Variants in RGS3 observed in about 807,000 individuals in gnomAD.
RGS3 encodes the protein regulator of G-protein signalling 3.
RGS3 carries 80 observed loss-of-function variants against 132.6 expected under a neutral mutation model. That is an observed-to-expected ratio of 0.60 (90% CI 0.50 to 0.73). RGS3 has a LOEUF of 0.73. Ranked by LOEUF, RGS3 falls within the 30% of genes least tolerant of loss-of-function variation. RGS3 has a pLI of 0.00. For synonymous variants in RGS3, 598 were observed against 620.6 expected (o/e 0.96, Z 0.54); for missense variants, 1,382 against 1,530.8 (o/e 0.90, Z 1.62).
intron 21 of RGS3, chr9:113,593,848 C>G: frequency 6.8e-7 from 1 of 1,469,468 alleles, no homozygotes; most frequent in South Asian, 1.3e-5. Flanking sequence ...CAGTGCCTCC[C>G]CTGGCTCCCT....
chr9:113,502,034 G>A (rs965546542), intron 10 of RGS3, among the ~76,000 whole-genome samples: 5 of 152,212 alleles, frequency 3.3e-5, no homozygotes, highest in Non-Finnish European at 7.3e-5. Flanking sequence ...GTTGGCACGT[G>A]CTCATATGTG....
At chr9:113,511,590 G>A (rs946506079) in intron 14 of RGS3, among the ~76,000 whole-genome samples, 1 of 152,098 alleles carries the variant, frequency 6.6e-6, no homozygotes, top group Admixed American at 6.6e-5. Flanking sequence ...TACAAAATGG[G>A]GCTGAGCCGA....
chr9:113,505,616 C>T, intron 11 of RGS3, 93 bp downstream of exon 9: 2 of 989,106 alleles, frequency 2.0e-6, no homozygotes, highest in Non-Finnish European at 3.2e-6. Flanking sequence ...GAGCCCCAAA[C>T]TGGAGCAAAG....
chr9:113,476,392 G>C (rs1829995613), intron 3 of RGS3, among the ~76,000 whole-genome samples: 1 of 152,182 alleles, frequency 6.6e-6, no homozygotes, highest in African/African-American at 2.4e-5. Context: ...GACTTCAGGG[G>C]CCTGTGTGTC....
chr9:113,565,241 C>A lies in RGS3; in HGVS notation c.2038-18209C>A. The A allele has an allele frequency of 7.8e-6, 10 of 1,285,878 alleles. No individual in the cohort carries two copies. Among genetic ancestry groups the A allele is most frequent in the Non-Finnish European group, 1.0e-5 (10 of 986,586 alleles). The allele number at this position is 1,285,878 out of a possible 1,614,324, so 79.7% of individuals were successfully genotyped here. ...GGACGGGCTGGCCCAGGACCCTCTT[C>A]TTTGAGACATCCCGGACTCCATCTC... On this transcript the variant is annotated intron_variant, in intron 19 of 24. Coordinates refer to ENST00000350696, the Ensembl canonical transcript of RGS3. This position sits in a 1 kb window ranked among gnomAD's most constrained non-coding sequence, Gnocchi z 5.7.
At chr9:113,534,448 G>A (rs1362515579) in intron 18 of RGS3, among the ~76,000 whole-genome samples, 2 of 152,090 alleles carry the variant, frequency 1.3e-5, no homozygotes, top group African/African-American at 4.8e-5. Flanking sequence ...AAATGGGGTA[G>A]TATTTAATAT....
At chr9:113,532,590 C>T (rs548815128) in intron 18 of RGS3, among the ~76,000 whole-genome samples, 4 of 152,262 alleles carry the variant, frequency 2.6e-5, no homozygotes, top group Admixed American at 1.3e-4. Flanking sequence ...AAGGAGATTC[C>T]CATGGGGCAG....
At chr9:113,552,327 A>T (rs529269377) in intron 19 of RGS3, among the ~76,000 whole-genome samples, 20 of 151,730 alleles carry the variant, frequency 1.3e-4, no homozygotes, top group South Asian at 4.2e-4. Context: ...TTATTTATTT[A>T]TTTTTTTGAG....
chr9:113,566,779 C>CCAG (rs1260523377), intron 19 of RGS3, among the ~76,000 whole-genome samples: 3 of 152,246 alleles, frequency 2.0e-5, no homozygotes, highest in African/African-American at 7.2e-5. Flanking sequence ...GCGTCCTCTC[C>CCAG]CAGTGCTAGA....
chr9:113,570,694 A>T (rs1834245120), intron 19 of RGS3, among the ~76,000 whole-genome samples: 1 of 151,684 alleles, frequency 6.6e-6, no homozygotes, highest in African/African-American at 2.4e-5. Flanking sequence ...TCTGTTGCCC[A>T]GGCTGGGGTG....
At chr9:113,594,327 C>T (rs759578749) in intron 21 of RGS3, 103 bp from the exon 20 acceptor site, 293 of 1,591,516 alleles carry the variant, frequency 1.8e-4, no homozygotes, top group Non-Finnish European at 2.5e-4. Context: ...AGAGGCGACA[C>T]ACGATGAAGG....
At chr9:113,586,257 T>A (rs1426589728) in intron 20 of RGS3, among the ~76,000 whole-genome samples, 2 of 152,216 alleles carry the variant, frequency 1.3e-5, no homozygotes, top group African/African-American at 4.8e-5. Flanking sequence ...GAGGCCCACC[T>A]GCCTTGGGCT....
intron 3 of RGS3, among the ~76,000 whole-genome samples, chr9:113,478,125 G>A (rs1196659423): frequency 6.6e-6 from 1 of 152,048 alleles, no homozygotes; most frequent in African/African-American, 2.4e-5. Flanking sequence ...AATGGGAAAA[G>A]CCAGGGGATA....
At chr9:113,517,649 A>G (rs1165096643) in intron 16 of RGS3, 25 bp downstream of exon 14, 3 of 1,595,246 alleles carry the variant, frequency 1.9e-6, no homozygotes, top group Non-Finnish European at 2.6e-6. Flanking sequence ...TGCATTTTTT[A>G]GGGGGCTTTC....
intron 3 of RGS3, among the ~76,000 whole-genome samples, chr9:113,475,571 A>G (rs536031769): frequency 6.6e-6 from 1 of 152,070 alleles, no homozygotes; most frequent in South Asian, 2.1e-4. Context: ...GTGCCCGGCT[A>G]TTTTTTTAAT....
chr9:113,476,448 A>G (rs1829997170), intron 3 of RGS3, among the ~76,000 whole-genome samples: 1 of 152,130 alleles, frequency 6.6e-6, no homozygotes, highest in South Asian at 2.1e-4. Context: ...GGGGACAGGC[A>G]TGGCCGAGGG....
intron 19 of RGS3, among the ~76,000 whole-genome samples, chr9:113,578,589 G>T (rs1345944895): frequency 6.6e-6 from 1 of 152,154 alleles, no homozygotes; most frequent in Non-Finnish European, 1.5e-5. Flanking sequence ...AGGACTGGGG[G>T]TGTCAGCCTC....
At chr9:113,527,043 T>A (rs1022316676) in intron 17 of RGS3, among the ~76,000 whole-genome samples, 14 of 152,198 alleles carry the variant, frequency 9.2e-5, no homozygotes, top group African/African-American at 3.4e-4. Context: ...CTGCCCCCAT[T>A]CCGTCCTCCT....
intron 7 of RGS3, among the ~76,000 whole-genome samples, chr9:113,486,619 T>C (rs1830341779): frequency 6.6e-6 from 1 of 152,178 alleles, no homozygotes; most frequent in Non-Finnish European, 1.5e-5. Flanking sequence ...GCCTAAGGAA[T>C]CTGGGATACC....
Sources: allele counts gnomAD v4.1 joint callset (sites outside exome capture counted in the v4.1 genomes callset), GRCh38; gene constraint gnomAD v4.1.1; non-coding constraint Gnocchi (gnomAD v3.1); transcripts MANE v1.5; gene names NCBI Gene and HGNC (gene_info 2026-07-23, HGNC 2026-07-21).